C2CD3: variants seen among roughly 807,000 people sequenced by gnomAD.
C2CD3 encodes C2 domain containing 3 centriole elongation regulator, also known as C2 domain-containing protein 3.
A neutral mutation model predicts 234.0 loss-of-function variants in C2CD3; 148 were observed. The ratio of observed to expected loss-of-function variants is 0.63; its 90% CI spans 0.55 to 0.72. The LOEUF is 0.72. Ranked by LOEUF, C2CD3 falls within the 30% of genes least tolerant of loss-of-function variation. The pLI, the probability that C2CD3 is intolerant of heterozygous loss-of-function variation, is 0.00. For synonymous variants in C2CD3, 1,000 were observed against 1,035.4 expected (o/e 0.97, Z 0.66); for missense variants, 2,577 against 2,811.5 (o/e 0.92, Z 1.89).
chr11:74,060,184 T>C (rs1954166254), intron 24 of C2CD3, among the ~76,000 whole-genome samples: 1 of 152,112 alleles, frequency 6.6e-6, no homozygotes, highest in African/African-American at 2.4e-5. Context: ...AGACTCCACC[T>C]CTGGGGGCAG....
chr11:74,140,544 G>T (rs1007083872), intron 3 of C2CD3, among the ~76,000 whole-genome samples: 5 of 152,082 alleles, frequency 3.3e-5, no homozygotes, highest in Non-Finnish European at 7.4e-5. Context: ...ACCCTAATTC[G>T]AAGATTCTTT....
At chr11:74,041,299 T>C (rs1591312862) in intron 29 of C2CD3, among the ~76,000 whole-genome samples, 5 of 152,220 alleles carry the variant, frequency 3.3e-5, no homozygotes, top group Admixed American at 3.3e-4. Flanking sequence ...CTCAGCTTTT[T>C]CCTACATGCA....
In C2CD3 at chr11:74,094,014, A is replaced by G. The variant is rs745512160; in HGVS notation, c.3161-15T>C. The G allele has an allele frequency of 6.2e-7, 1 of 1,603,704 alleles. No individual in the cohort carries two copies. Among genetic ancestry groups the G allele is most frequent in the Non-Finnish European group, 8.5e-7 (1 of 1,171,804 alleles). On this transcript the variant is annotated splice_polypyrimidine_tract_variant and intron_variant, in intron 17 of 32. Transcript: ENST00000334126. ...CAGAGTAATTCCTTTGGAAAAGAAA[A>G]GCATTTCAGAATAATCCAACATATG... is the stretch of plus-strand genomic sequence containing the variant.
At position 74,013,367 on chromosome 11, in the gene C2CD3, C is replaced by G. The variant is rs189705057; in HGVS notation, c.*18G>C. The stretch of plus-strand genomic sequence containing the variant: ...AGGGTGGGCAGGTGTCTCCTTCCCC[C>G]CAGCCCCTCAGGCTGCGTCAGTCTT... On this transcript the variant is annotated 3_prime_UTR_variant, in exon 33 of 33. Transcript: ENST00000334126. The G allele has an allele frequency of 3.6e-5, 31 of 866,614 alleles. 1 individual carries two copies. The South Asian group carries it at 7.2e-4, about 20-fold the overall frequency. The allele number at this position is 866,614 out of a possible 1,614,324, so 53.7% of individuals were successfully genotyped here.
At chr11:74,092,060 ATT>A (rs967073569) in intron 19 of C2CD3, among the ~76,000 whole-genome samples, 20 of 148,112 alleles carry the variant, frequency 1.4e-4, no homozygotes, top group East Asian at 9.8e-4. Flanking sequence ...ATATATATAT[ATT>A]TTTTTTTTGA....
At chr11:74,106,304 C>G (rs547466660) in intron 13 of C2CD3, 67 bp downstream of exon 13, 2 of 1,534,268 alleles carry the variant, frequency 1.3e-6, no homozygotes, top group Non-Finnish European at 1.8e-6. Flanking sequence ...ACTGCTATAT[C>G]CTCAGTGCCA....
intron 12 of C2CD3, among the ~76,000 whole-genome samples, chr11:74,108,818 G>A (rs540944525): frequency 1.1e-4 from 17 of 151,748 alleles, no homozygotes; most frequent in Non-Finnish European, 2.2e-4. Context: ...TAGTGTGCTC[G>A]TGTAGAGCCT....
intron 24 of C2CD3, among the ~76,000 whole-genome samples, chr11:74,069,125 A>G (rs1037194397): frequency 3.3e-5 from 5 of 152,190 alleles, no homozygotes; most frequent in African/African-American, 1.2e-4. Context: ...TAAAGCTGCT[A>G]TTTGCTAAAG....
intron 3 of C2CD3, among the ~76,000 whole-genome samples, chr11:74,143,281 TA>T (rs1299220546): frequency 1.3e-5 from 2 of 152,138 alleles, no homozygotes; most frequent in Admixed American, 1.3e-4. Context: ...GAGAGCAAAT[TA>T]GTAAGTATAA....
intron 8 of C2CD3, among the ~76,000 whole-genome samples, chr11:74,118,905 AT>A (rs1228553220): frequency 0.019 from 2,482 of 127,908 alleles, 47 homozygotes; most frequent in African/African-American, 0.064. Context: ...TGGATAGACT[AT>A]TTTTTTTTTT....
intron 14 of C2CD3, among the ~76,000 whole-genome samples, chr11:74,102,047 G>A (rs1457650716): frequency 6.6e-5 from 10 of 152,194 alleles, no homozygotes. Context: ...TATTTGGAAG[G>A]AGGGTGAAGG....
chr11:74,144,870 T>C (rs532211166), intron 3 of C2CD3, among the ~76,000 whole-genome samples: 1 of 152,318 alleles, frequency 6.6e-6, no homozygotes, highest in East Asian at 1.9e-4. Flanking sequence ...CTCAGCTTGA[T>C]TCTATGTTTT....
intron 9 of C2CD3, among the ~76,000 whole-genome samples, chr11:74,116,645 A>G (rs890771030): frequency 6.6e-6 from 1 of 151,874 alleles, no homozygotes; most frequent in Non-Finnish European, 1.5e-5. Flanking sequence ...AGAGGAAAAG[A>G]AGTCACTATA....
chr11:74,121,176 T>C lies in C2CD3; in HGVS notation c.1365+1812A>G, dbSNP rs187558108. On this transcript the variant is annotated intron_variant, in intron 8 of 32. Coordinates refer to ENST00000334126, the MANE Select transcript of C2CD3 (RefSeq NM_001286577.2). ...CACACTGTGGTCTAGTAGAAAAACATACAGGCTTTTTGTCAGATAGACTAC... is the reference window on the plus strand; with the variant it reads ...CACACTGTGGTCTAGTAGAAAAACACACAGGCTTTTTGTCAGATAGACTAC... Among the ~76,000 whole-genome samples, 425 of 152,254 alleles carry C rather than the reference T, an allele frequency of 2.8e-3. 1 individual carries two copies. The highest frequency in any genetic ancestry group is 5.0e-3 in the Non-Finnish European group (337 of 68,012).
At chr11:74,170,022 T>C (rs1303813957) in intron 1 of C2CD3, among the ~76,000 whole-genome samples, 1 of 152,184 alleles carries the variant, frequency 6.6e-6, no homozygotes, top group African/African-American at 2.4e-5. Context: ...TTTCCTGATC[T>C]GCCCTGGGTT....
rs547013199 is a variant in C2CD3 at position 74,138,664 on chromosome 11, C to T, written c.955+56G>A. The T allele has an allele frequency of 2.8e-4, 403 of 1,421,374 alleles. 5 individuals are homozygous for T. In the South Asian group the frequency reaches 4.8e-3, roughly 17 times the overall value. The allele number at this position is 1,421,374 out of a possible 1,614,324, so 88.0% of individuals were successfully genotyped here. A position where few individuals can be genotyped will look rare whatever the true frequency, so the allele number is the denominator to read the frequency against. On this transcript the variant is annotated intron_variant, in intron 5 of 32. Coordinates refer to ENST00000334126, the MANE Select transcript of C2CD3 (RefSeq NM_001286577.2). ...TTCTCTTTGTAGGCTGGCTAACAAG[C>T]AGAGCAATCCCATAAACGTAGTTTA... is the stretch of plus-strand genomic sequence containing the variant.
chr11:74,069,201 A>G (rs1954684548), intron 24 of C2CD3, among the ~76,000 whole-genome samples: 1 of 152,226 alleles, frequency 6.6e-6, no homozygotes, highest in Non-Finnish European at 1.5e-5. Context: ...GAACAGACAC[A>G]TTCCTTTTAG....
At chr11:74,111,757 C>T (rs1284422884) in intron 11 of C2CD3, among the ~76,000 whole-genome samples, 8 of 151,986 alleles carry the variant, frequency 5.3e-5, no homozygotes, top group Non-Finnish European at 8.8e-5. Flanking sequence ...AATTTGTAAA[C>T]TTTCTTAAAA....
intron 7 of C2CD3, among the ~76,000 whole-genome samples, chr11:74,126,228 A>T (rs1046405851): frequency 1.3e-5 from 2 of 152,226 alleles, no homozygotes; most frequent in Non-Finnish European, 2.9e-5. Context: ...AGGAACTGGT[A>T]GAAAATCTGA....
Sources: allele counts gnomAD v4.1 joint callset (sites outside exome capture counted in the v4.1 genomes callset), GRCh38; gene constraint gnomAD v4.1.1; transcripts MANE v1.5; gene names NCBI Gene and HGNC (gene_info 2026-07-23, HGNC 2026-07-21).